AGTPBP1: variants seen among roughly 807,000 people sequenced by gnomAD.
AGTPBP1 encodes the protein ATP/GTP binding carboxypeptidase 1, also known as cytosolic carboxypeptidase 1.
Under a neutral mutation model 143.9 loss-of-function variants are expected in AGTPBP1, and 70 were observed. That is an observed-to-expected ratio of 0.49 (90% CI 0.40 to 0.59). The LOEUF (loss-of-function observed/expected upper bound fraction) is 0.59. Among genes scored for constraint, AGTPBP1 ranks in the 20% least tolerant of loss-of-function variants. The probability of loss-of-function intolerance (pLI) is 0.00; values close to 1 mark genes in which losing one functional copy is unlikely to be tolerated. For missense variants in AGTPBP1, 1,229 were observed against 1,464.5 expected, an observed-to-expected ratio of 0.84 and a Z score of 2.62; for synonymous variants, 463 against 500.2, an observed-to-expected ratio of 0.93 and a Z score of 0.99.
chr9:85,758,003 T>C, the AGTPBP1 span, among the ~76,000 whole-genome samples: 1 of 152,198 alleles, frequency 6.6e-6, no homozygotes, highest in African/African-American at 2.4e-5. Flanking sequence ...GCCAGATTTA[T>C]ACTTCCTAGC....
At chr9:85,654,913 T>C (rs961955291) in intron 11 of AGTPBP1, among the ~76,000 whole-genome samples, 1 of 152,180 alleles carries the variant, frequency 6.6e-6, no homozygotes. Context: ...AGCTTAATTA[T>C]TTCACAATTC....
intron 23 of AGTPBP1, among the ~76,000 whole-genome samples, chr9:85,580,378 AT>A (rs1242468699): frequency 6.6e-6 from 1 of 150,998 alleles, no homozygotes; most frequent in Non-Finnish European, 1.5e-5. Flanking sequence ...GCTTAGAAAG[AT>A]TTTTTTTCAT....
chr9:85,614,368 A>C (rs932917072), intron 17 of AGTPBP1, among the ~76,000 whole-genome samples: 1 of 152,082 alleles, frequency 6.6e-6, no homozygotes, highest in African/African-American at 2.4e-5. Context: ...TTCTTAATAG[A>C]AGTAATGTTT....
chr9:85,640,434 A>C (rs1354401831), intron 13 of AGTPBP1, among the ~76,000 whole-genome samples: 1 of 152,282 alleles, frequency 6.6e-6, no homozygotes, highest in Admixed American at 6.5e-5. Flanking sequence ...TTACAGCAGA[A>C]TAGACAATGC....
At position 85,730,152 on chromosome 9, in the gene AGTPBP1, AGTTCTGTG is replaced by A. The variant is rs1183305526; in HGVS notation, c.-34+11615_-34+11622del. ...AAAGAGGTAACTCTCTTGGTTTCCCAGTTCTGTGGTAAGATGTGAGAGTTGTTCCTTAA... is the reference window on the plus strand; with the variant it reads ...AAAGAGGTAACTCTCTTGGTTTCCCAGTAAGATGTGAGAGTTGTTCCTTAA... On this transcript the variant is annotated intron_variant, in intron 1 of 25. Transcript: ENST00000357081. Among the ~76,000 whole-genome samples the A allele has an allele frequency of 3.9e-5, 6 of 152,304 alleles. No individual in the cohort carries two copies. The East Asian group carries it at 1.2e-3, about 29-fold the overall frequency.
chr9:85,786,668 T>C, the AGTPBP1 span: 1 of 1,334,180 alleles, frequency 7.5e-7, no homozygotes, highest in African/African-American at 1.6e-5. Context: ...CACTACCTCT[T>C]TCCTCAGCAT....
At chr9:85,712,410 CA>C in intron 2 of AGTPBP1, 91 bp downstream of exon 2, 3 of 618,416 alleles carry the variant, frequency 4.9e-6, no homozygotes, top group Non-Finnish European at 5.3e-6. Context: ...TACTTAAACA[CA>C]AATAATACTT....
intron 17 of AGTPBP1, among the ~76,000 whole-genome samples, chr9:85,615,489 G>A (rs2133480594): frequency 6.6e-6 from 1 of 152,164 alleles, no homozygotes; most frequent in Non-Finnish European, 1.5e-5. Flanking sequence ...TACTAATGAT[G>A]CTGCTGAATA....
upstream of AGTPBP1, among the ~76,000 whole-genome samples, chr9:85,744,562 G>A (rs563018911): frequency 5.5e-4 from 84 of 152,310 alleles, 1 homozygote; most frequent in South Asian, 0.016. Context: ...CAAAAGGAAA[G>A]CTCTCAGCAA....
chr9:85,805,475 A>AG, the AGTPBP1 span: 1 of 151,728 alleles, frequency 6.6e-6, no homozygotes. Flanking sequence ...GCCTGCCCCC[A>AG]GCTCTGCCGA....
intron 21 of AGTPBP1, among the ~76,000 whole-genome samples, chr9:85,587,186 C>T (rs531546521): frequency 3.0e-4 from 45 of 152,258 alleles, no homozygotes; most frequent in African/African-American, 9.9e-4. Context: ...ATGCATTTAA[C>T]TGTGGTAAGT....
intron 3 of AGTPBP1, among the ~76,000 whole-genome samples, chr9:85,687,342 A>C (rs1835545894): frequency 6.6e-6 from 1 of 152,208 alleles, no homozygotes; most frequent in South Asian, 2.1e-4. Flanking sequence ...ACAGTGTATA[A>C]GAGATCTGAA....
At chr9:85,567,461 C>T (rs1468701451) in intron 25 of AGTPBP1, among the ~76,000 whole-genome samples, 1 of 151,904 alleles carries the variant, frequency 6.6e-6, no homozygotes, top group African/African-American at 2.4e-5. Context: ...CAGTAGTGGT[C>T]CATGCCTGTA....
At chr9:85,697,360 A>G (rs1187886547) in intron 2 of AGTPBP1, among the ~76,000 whole-genome samples, 2 of 149,254 alleles carry the variant, frequency 1.3e-5, no homozygotes, top group Non-Finnish European at 2.9e-5. Flanking sequence ...ATGCAAAAAC[A>G]TTATATGTTA....
chr9:85,609,078 T>G (rs1294839612), intron 17 of AGTPBP1, among the ~76,000 whole-genome samples: 1 of 152,198 alleles, frequency 6.6e-6, no homozygotes, highest in African/African-American at 2.4e-5. Flanking sequence ...GCTCGAAAGT[T>G]AAGGTATAAG....
chr9:85,782,183 T>C, the AGTPBP1 span, among the ~76,000 whole-genome samples: 2 of 152,178 alleles, frequency 1.3e-5, no homozygotes, highest in Non-Finnish European at 2.9e-5. Flanking sequence ...AAAAATAATA[T>C]GGAGGAGCAA....
rs570931849 is a variant in AGTPBP1, at chr9:85,641,855, C to T, written c.1302+972G>A. Among the ~76,000 whole-genome samples the T allele has an allele frequency of 8.5e-5, 13 of 152,084 alleles. No homozygotes were observed. In the South Asian group the frequency reaches 2.1e-3, roughly 24 times the overall value. On this transcript the variant is annotated intron_variant, in intron 13 of 25. Coordinates refer to ENST00000357081, the MANE Select transcript of AGTPBP1 (RefSeq NM_001330701.2). Reference sequence around the variant, plus strand: ...CTGCAACTACAGGTGTGTCTCATCACGCCCGGCTAATTTTCTTATTTTTAG... The same window carrying T: ...CTGCAACTACAGGTGTGTCTCATCATGCCCGGCTAATTTTCTTATTTTTAG...
intron 25 of AGTPBP1, among the ~76,000 whole-genome samples, chr9:85,557,064 CT>C (rs561985683): frequency 7.3e-4 from 111 of 152,216 alleles, no homozygotes; most frequent in Admixed American, 1.0e-3. Context: ...CTGATATATT[CT>C]TATTTTGAAG....
rs1260975074 is a variant in AGTPBP1 at position 85,657,506 on chromosome 9, T to C, written c.838A>G (p.Thr280Ala). 2 of 1,613,940 alleles carry C rather than the reference T, an allele frequency of 1.2e-6. No homozygotes were observed. The highest frequency in any genetic ancestry group is 1.7e-6 in the Non-Finnish European group (2 of 1,179,924). ...GCTTTTCTTCCCAACTTGATGTTTG[T>C]AACACTTTTTAAACTCTGTAAAATT... ...KGILQSLKSV[T>A]NIKLGRKAFI... Residue 280 changes from threonine to alanine, a missense_variant, in exon 10 of 26, where the codon ACA becomes GCA. Thr to Ala is a moderately conservative substitution (Grantham distance 58). This residue lies in a region of AGTPBP1 where 743 missense variants were observed against 812.2 expected (regional missense o/e 0.91). Coordinates refer to ENST00000357081, the MANE Select transcript of AGTPBP1 (RefSeq NM_001330701.2).
Sources: gnomAD v4.1 joint callset for allele counts (sites outside exome capture counted in the v4.1 genomes callset) on GRCh38, gnomAD v4.1.1 for gene constraint, gnomAD v4.1.1 regional missense constraint, MANE v1.5 for transcripts, NCBI Gene and HGNC (gene_info 2026-07-23, HGNC 2026-07-21) for gene names.